LRRC49: variants seen among roughly 807,000 people sequenced by gnomAD.
The protein encoded by LRRC49 is leucine-rich repeat-containing protein 49.
A neutral mutation model predicts 83.3 loss-of-function variants in LRRC49; 50 were observed. The ratio of observed to expected loss-of-function variants is 0.60; its 90% confidence interval spans 0.48 to 0.76. The LOEUF (loss-of-function observed/expected upper bound fraction) is 0.76, where lower values mean the gene tolerates loss of function less well. Among genes scored for constraint, LRRC49 ranks in the 30% least tolerant of loss-of-function variants. The probability of loss-of-function intolerance (pLI) is 0.00; values close to 1 mark genes in which losing one functional copy is unlikely to be tolerated. For missense variants in LRRC49, 704 were observed against 809.1 expected (o/e 0.87, Z 1.58); for synonymous variants, 286 against 283.3 (o/e 1.01, Z -0.10).
chr15:71,033,609 G>C (rs1212277954), intron 14 of LRRC49, among the ~76,000 whole-genome samples: 1 of 152,118 alleles, frequency 6.6e-6, no homozygotes, highest in Non-Finnish European at 1.5e-5. Flanking sequence ...AACAAAGCTG[G>C]AGGCATCAAG....
exon 2 of LRRC49, chr15:70,873,200 T>C: frequency 6.5e-7 from 1 of 1,536,056 alleles, no homozygotes. Context: ...GACATAACTT[T>C]TAAAGATGGA....
chr15:70,882,335 T>A (rs2033283181), intron 2 of LRRC49: 1 of 947,910 alleles, frequency 1.1e-6, no homozygotes, highest in Non-Finnish European at 1.6e-6. Flanking sequence ...CTAAACAAAT[T>A]ATGCTGATAC....
chr15:70,981,303 A>G (rs1368332681), intron 10 of LRRC49, among the ~76,000 whole-genome samples: 1 of 140,170 alleles, frequency 7.1e-6, no homozygotes. Flanking sequence ...ATGAGAACAC[A>G]TGGACACAGG....
rs141329606 is a variant in LRRC49, at chr15:70,856,226, C to T, written c.-299+2757C>T. On this transcript the variant is annotated intron_variant, in intron 1 of 16. Transcript: ENST00000544974. The stretch of plus-strand genomic sequence containing the variant: ...GGTGGGTGAATCTGGGCTGTAGAAG[C>T]GTTTTACTTGGTGAGAGTTTTGAAA... 6.6e-3 allele frequency among the ~76,000 whole-genome samples: 998 copies of T among 152,080 alleles called. 12 individuals carry two copies. Among genetic ancestry groups the T allele is most frequent in the African/African-American group, 0.022 (904 of 41,466 alleles).
chr15:70,945,650 TGTA>T (rs1267430273), intron 8 of LRRC49, among the ~76,000 whole-genome samples: 2 of 151,792 alleles, frequency 1.3e-5, no homozygotes, highest in East Asian at 3.9e-4. Context: ...TTTTTTTTTT[TGTA>T]GGACTGAAAC....
At chr15:70,884,080 T>C (rs938018038) in intron 2 of LRRC49, among the ~76,000 whole-genome samples, 1 of 152,058 alleles carries the variant, frequency 6.6e-6, no homozygotes, top group Non-Finnish European at 1.5e-5. Context: ...AGAAAAGATA[T>C]CTGGAAAAGT....
chr15:70,980,040 G>A lies in LRRC49; in HGVS notation c.922-61G>A. On this transcript the variant is annotated intron_variant, in intron 9 of 15. Transcript: ENST00000260382. ...GAAAACTGTGCTTAATAGGACCAATGATATTTAGCATTAAAAAATGGTTAA... is the reference window on the plus strand; with the variant it reads ...GAAAACTGTGCTTAATAGGACCAATAATATTTAGCATTAAAAAATGGTTAA... The A allele has an allele frequency of 6.8e-6, 7 of 1,023,352 alleles. No individual in the cohort carries two copies. In the South Asian group the frequency reaches 7.4e-5, roughly 11 times the overall value. 63.4% of individuals were successfully genotyped at this position (1,023,352 alleles called of 1,614,324 possible). A position where few individuals can be genotyped will look rare whatever the true frequency, so the allele number is the denominator to read the frequency against.
In LRRC49 at chr15:71,049,574, A is replaced by G. The variant is rs2039959209; in HGVS notation, c.2023A>G (p.Met675Val). 1 of 1,614,036 alleles carries G rather than the reference A, an allele frequency of 6.2e-7. No homozygotes were observed. The highest frequency in any genetic ancestry group is 1.7e-5 in the Admixed American group (1 of 60,018). The change falls in exon 16 of 16, where the codon ATG becomes GTG. Residue 675 changes from methionine to valine, a missense_variant. Around this residue, in one of 3 missense-constraint regions of LRRC49, gnomAD observed 275 missense variants for 338.0 expected, o/e 0.81. Transcript: ENST00000260382. ...VIEIRNKNSYMKLCLQQITDQ... is the reference protein window; with the variant it reads ...VIEIRNKNSYVKLCLQQITDQ... Reference sequence around the variant, plus strand: ...AGAAATTCGCAATAAAAATTCCTATATGAAGCTCTGCCTACAGCAGATAAC... The same window carrying G: ...AGAAATTCGCAATAAAAATTCCTATGTGAAGCTCTGCCTACAGCAGATAAC...
upstream of LRRC49, among the ~76,000 whole-genome samples, chr15:70,891,266 G>A (rs1221187934): frequency 6.6e-6 from 1 of 152,166 alleles, no homozygotes; most frequent in Non-Finnish European, 1.5e-5. Context: ...AGCAAGATGG[G>A]GAAAGTCAGC....
intron 3 of LRRC49, among the ~76,000 whole-genome samples, chr15:70,896,428 A>G (rs1051736798): frequency 6.6e-6 from 1 of 152,036 alleles, no homozygotes; most frequent in African/African-American, 2.4e-5. Context: ...CTCCCCCTCC[A>G]TCTTCCCCAT....
chr15:70,900,808 A>G (rs2034040510), intron 3 of LRRC49, 114 bp from the exon 4 acceptor site: 3 of 667,538 alleles, frequency 4.5e-6, no homozygotes, highest in South Asian at 1.8e-5. Context: ...TATGGAAACT[A>G]TACTTTCTAG....
At chr15:71,049,033 A>C (rs546335571) in intron 15 of LRRC49, among the ~76,000 whole-genome samples, 1 of 152,208 alleles carries the variant, frequency 6.6e-6, no homozygotes, top group Non-Finnish European at 1.5e-5. Flanking sequence ...AATTGTCACT[A>C]TCTGTATCCT....
Position 71,037,304 on chromosome 15 carries a change from C to G in LRRC49, c.1829C>G (p.Thr610Arg), listed in dbSNP as rs1432872639. 6.2e-7 allele frequency: 1 copy of G among 1,601,578 alleles called. No individual in the cohort carries two copies. Among genetic ancestry groups the G allele is most frequent in the African/African-American group, 1.4e-5 (1 of 74,062 alleles). ...NTNRATLNYT[T>R]RDFYNEKLEE... ...AATCGTGCTACATTAAATTATACTA[C>G]AAGAGACTTTTATAATGAAAAGCTA... Residue 610 changes from threonine to arginine, a missense_variant, in exon 15 of 16, where the codon ACA becomes AGA. Transcript: ENST00000260382.
At chr15:70,882,199 GCTT>G in intron 2 of LRRC49, 1 of 356,140 alleles carries the variant, frequency 2.8e-6, no homozygotes, top group South Asian at 7.1e-5. Flanking sequence ...TTGTGGTTTT[GCTT>G]TGTAACCTGA....
chr15:70,923,374 A>G (rs1394618434), intron 7 of LRRC49, among the ~76,000 whole-genome samples: 2 of 151,954 alleles, frequency 1.3e-5, no homozygotes, highest in Non-Finnish European at 2.9e-5. Flanking sequence ...ATTTGTCAGT[A>G]TTTTGAAGCT....
intron 1 of LRRC49, among the ~76,000 whole-genome samples, chr15:70,856,013 C>T (rs184575022): frequency 2.0e-5 from 3 of 152,238 alleles, no homozygotes; most frequent in Admixed American, 2.0e-4. Context: ...TAAGCCATCT[C>T]GTGTGGCAAA....
At chr15:71,048,551 C>T (rs2039924792) in intron 15 of LRRC49, among the ~76,000 whole-genome samples, 1 of 152,024 alleles carries the variant, frequency 6.6e-6, no homozygotes, top group Admixed American at 6.6e-5. Context: ...CATTACTTCC[C>T]TTGTAATTCT....
chr15:71,014,347 T>G (rs978363199), intron 14 of LRRC49, among the ~76,000 whole-genome samples: 1 of 152,094 alleles, frequency 6.6e-6, no homozygotes, highest in Non-Finnish European at 1.5e-5. Context: ...TAAAAATTGA[T>G]GGAAAAATAC....
chr15:71,006,573 A>G (rs188615263), intron 11 of LRRC49, among the ~76,000 whole-genome samples: 2 of 152,152 alleles, frequency 1.3e-5, no homozygotes, highest in Admixed American at 1.3e-4. Context: ...TATAATACAT[A>G]CTCATTAAAA....
Sources: gnomAD v4.1 joint callset for allele counts (sites outside exome capture counted in the v4.1 genomes callset) on GRCh38, gnomAD v4.1.1 for gene constraint, gnomAD v4.1.1 regional missense constraint, MANE v1.5 for transcripts, NCBI Gene and HGNC (gene_info 2026-07-23, HGNC 2026-07-21) for gene names.